Variants in GPR149 observed in about 807,000 individuals in gnomAD.
GPR149 encodes the protein G protein-coupled receptor 149.
In GPR149, 50 loss-of-function variants were observed where a neutral mutation model predicts 50.2. That is an observed-to-expected ratio of 1.00 (90% CI 0.79 to 1.26). The LOEUF (loss-of-function observed/expected upper bound fraction) is 1.26. GPR149 is among the 50% of genes most tolerant of loss of function. GPR149 has a pLI of 0.00. For missense variants in GPR149, 983 were observed against 895.4 expected (o/e 1.10, Z -1.25); for synonymous variants, 405 against 358.2 (o/e 1.13, Z -1.48).
chr3:154,344,826 T>C (rs1024456046), intron 3 of GPR149, among the ~76,000 whole-genome samples: 4 of 152,228 alleles, frequency 2.6e-5, no homozygotes, highest in Non-Finnish European at 5.9e-5. Flanking sequence ...ACTTCTGGTT[T>C]CTAGAAATGC....
At chr3:154,414,294 T>C (rs939047434) in intron 3 of GPR149, among the ~76,000 whole-genome samples, 63 of 151,760 alleles carry the variant, frequency 4.2e-4, no homozygotes, top group African/African-American at 1.5e-3. Flanking sequence ...ACCTGTTCCC[T>C]AAAAACCTAT....
At chr3:154,427,825 G>T in intron 1 of GPR149, 117 bp from the exon 2 acceptor site, 1 of 954,734 alleles carries the variant, frequency 1.0e-6, no homozygotes, top group South Asian at 1.7e-5. Flanking sequence ...GATGGACAGC[G>T]GGGACCTCTG....
chr3:154,364,600 G>C (rs377673200), intron 3 of GPR149, among the ~76,000 whole-genome samples: 3 of 152,188 alleles, frequency 2.0e-5, no homozygotes, highest in African/African-American at 7.2e-5. Flanking sequence ...TCTCAAAAGG[G>C]AGAAATAGGC....
Position 154,337,225 on chromosome 3 carries a change from G to A in GPR149, c.*474C>T, listed in dbSNP as rs555841068. Among the ~76,000 whole-genome samples, 42 of 152,260 alleles carry A rather than the reference G, an allele frequency of 2.8e-4. No individual in the cohort carries two copies. The highest frequency in any genetic ancestry group is 9.9e-4 in the African/African-American group (41 of 41,572). On this transcript the variant is annotated 3_prime_UTR_variant, in exon 4 of 4. Coordinates refer to ENST00000389740, the MANE Select transcript of GPR149 (RefSeq NM_001038705.3). Reference sequence around the variant, plus strand: ...CTAAAGCAGTAAGTGTAATAAGCTTGTTTTGCTAGCCACATTTAGGCAAGT... The same window carrying A: ...CTAAAGCAGTAAGTGTAATAAGCTTATTTTGCTAGCCACATTTAGGCAAGT...
rs373212063 is a variant in GPR149 at position 154,341,292 on chromosome 3, CATATATATATATATATATAT to C, written c.1624-3041_1624-3022del. Among the ~76,000 whole-genome samples the C allele has an allele frequency of 4.6e-3, 334 of 72,954 alleles. 8 individuals carry two copies. Among genetic ancestry groups the C allele is most frequent in the African/African-American group, 9.7e-3 (181 of 18,580 alleles). 47.9% of individuals were successfully genotyped at this position (72,954 alleles called of 152,430 possible). A position where few individuals can be genotyped will look rare whatever the true frequency, so the allele number is the denominator to read the frequency against. ...GCAAAAAATCAAGAAAAAAATAAGA[CATATATATATATATATATAT>C]ATATATATATATATATATATATATA... is the stretch of plus-strand genomic sequence containing the variant. On this transcript the variant is annotated intron_variant, in intron 3 of 3. Coordinates refer to ENST00000389740, the MANE Select transcript of GPR149 (RefSeq NM_001038705.3).
intron 3 of GPR149, among the ~76,000 whole-genome samples, chr3:154,385,843 A>T (rs1715033458): frequency 6.6e-6 from 1 of 152,014 alleles, no homozygotes; most frequent in African/African-American, 2.4e-5. Context: ...CTGGGACTAC[A>T]GGTGCCTGCC....
chr3:154,423,363 G>A (rs1366434064), intron 2 of GPR149, among the ~76,000 whole-genome samples: 1 of 151,838 alleles, frequency 6.6e-6, no homozygotes, highest in Non-Finnish European at 1.5e-5. Flanking sequence ...TGAATTTAAA[G>A]CTAGCTGTTT....
At chr3:154,356,526 G>A (rs967621754) in intron 3 of GPR149, among the ~76,000 whole-genome samples, 3 of 151,976 alleles carry the variant, frequency 2.0e-5, no homozygotes, top group African/African-American at 4.8e-5. Context: ...AAGCATTCTT[G>A]TACACCAATA....
chr3:154,382,303 T>G (rs973217430), intron 3 of GPR149, among the ~76,000 whole-genome samples: 2 of 152,126 alleles, frequency 1.3e-5, no homozygotes, highest in Non-Finnish European at 2.9e-5. Flanking sequence ...GTCACATAAG[T>G]AAGACCCAGC....
rs1175827943 is a variant in GPR149, at chr3:154,337,929, T to C, written c.1966A>G (p.Arg656Gly). 1.2e-6 allele frequency: 2 copies of C among 1,613,008 alleles called. No homozygotes were observed. The highest frequency in any genetic ancestry group is 1.1e-5 in the South Asian group (1 of 90,958). The change falls in exon 4 of 4, where the codon AGG becomes GGG. Residue 656 changes from arginine to glycine, a missense_variant. Arg to Gly is a moderately radical substitution (Grantham distance 125). Coordinates refer to ENST00000389740, the MANE Select transcript of GPR149 (RefSeq NM_001038705.3). Reference protein sequence around the residue: ...QVRSPSLRYSRKENRFVSCDL... With the variant: ...QVRSPSLRYSGKENRFVSCDL... ...CATGAAACAAATCTGTTTTCTTTCC[T>C]GGAGTAACGTAGGGATGGAGATCTG...
intron 3 of GPR149, chr3:154,352,013 C>T (rs1267362619): frequency 1.6e-5 from 5 of 310,468 alleles, no homozygotes; most frequent in South Asian, 2.4e-4. Flanking sequence ...AAAAAAAATA[C>T]GACCAACTTC....
intron 3 of GPR149, among the ~76,000 whole-genome samples, chr3:154,379,611 G>A (rs539053227): frequency 2.6e-5 from 4 of 151,984 alleles, no homozygotes; most frequent in Non-Finnish European, 4.4e-5. Context: ...GTTAATTTTT[G>A]TGTATAGTAT....
At chr3:154,390,178 C>A (rs1715137623) in intron 3 of GPR149, among the ~76,000 whole-genome samples, 1 of 152,028 alleles carries the variant, frequency 6.6e-6, no homozygotes, top group South Asian at 2.1e-4. Flanking sequence ...CGGACATAAA[C>A]ACAAAGAGTC....
In GPR149 at chr3:154,406,823, G is replaced by T. The variant is rs541430035; in HGVS notation, c.1623+14216C>A. ...ATCAGGGAAGAAAAATGAATGAAGC[G>T]CATATGCCTTTTGTATTAGCCCGTT... On this transcript the variant is annotated intron_variant, in intron 3 of 3. Transcript: ENST00000389740. 5.9e-5 allele frequency among the ~76,000 whole-genome samples: 9 copies of T among 152,214 alleles called. No individual in the cohort carries two copies. In the South Asian group the frequency reaches 1.5e-3, roughly 25 times the overall value.
chr3:154,349,274 C>T (rs957005547), intron 3 of GPR149, among the ~76,000 whole-genome samples: 5 of 151,970 alleles, frequency 3.3e-5, no homozygotes, highest in Admixed American at 3.3e-4. Flanking sequence ...ATATCAATGA[C>T]ATTGAAAACA....
At chr3:154,354,769 A>T (rs1714177117) in intron 3 of GPR149, 4 of 726,780 alleles carry the variant, frequency 5.5e-6, no homozygotes, top group Admixed American at 6.7e-5. Flanking sequence ...TTTCAGCTCC[A>T]TAATGTCGCC....
intron 3 of GPR149, among the ~76,000 whole-genome samples, chr3:154,383,482 C>T (rs1461237109): frequency 6.6e-6 from 1 of 152,062 alleles, no homozygotes; most frequent in African/African-American, 2.4e-5. Context: ...GAATATGGGG[C>T]ACACTGCTTG....
chr3:154,403,517 A>AG (rs2108419482), intron 3 of GPR149, among the ~76,000 whole-genome samples: 1 of 152,272 alleles, frequency 6.6e-6, no homozygotes, highest in Admixed American at 6.5e-5. Context: ...CCAGATTTCA[A>AG]GGGGCTTGAA....
intron 3 of GPR149, among the ~76,000 whole-genome samples, chr3:154,365,487 A>G (rs1217103884): frequency 6.6e-6 from 1 of 152,160 alleles, no homozygotes; most frequent in African/African-American, 2.4e-5. Flanking sequence ...CTCCTTAACC[A>G]TACTTTTGTT....
Sources: allele counts gnomAD v4.1 joint callset (sites outside exome capture counted in the v4.1 genomes callset), GRCh38; gene constraint gnomAD v4.1.1; transcripts MANE v1.5; gene names NCBI Gene and HGNC (gene_info 2026-07-23, HGNC 2026-07-21).